RPS6KA2: variants seen among roughly 807,000 people sequenced by gnomAD.
The protein encoded by RPS6KA2 is ribosomal protein S6 kinase alpha-2.
RPS6KA2 carries 42 observed loss-of-function variants against 91.8 expected under a neutral mutation model. The observed-to-expected ratio is 0.46, with a 90% confidence interval of 0.36 to 0.59. The LOEUF is 0.59. Ranked by LOEUF, RPS6KA2 falls within the 20% of genes least tolerant of loss-of-function variation. RPS6KA2 has a pLI of 0.00. For synonymous variants in RPS6KA2, 414 were observed against 393.6 expected (o/e 1.05, Z -0.61); for missense variants, 798 against 978.5 (o/e 0.82, Z 2.46).
intron 2 of RPS6KA2, among the ~76,000 whole-genome samples, chr6:166,696,278 T>C (rs75932344): frequency 0.021 from 3,258 of 152,062 alleles, 104 homozygotes; most frequent in African/African-American, 0.073. Context: ...GCGGACTGAA[T>C]CAATACGGGG....
intron 2 of RPS6KA2, among the ~76,000 whole-genome samples, chr6:166,731,028 A>T (rs1474112854): frequency 6.6e-6 from 1 of 152,210 alleles, no homozygotes; most frequent in African/African-American, 2.4e-5. Context: ...GGATCACCTG[A>T]GGTCGGGCGT....
intron 10 of RPS6KA2, among the ~76,000 whole-genome samples, chr6:166,486,731 G>T (rs1781424014): frequency 6.6e-6 from 1 of 152,044 alleles, no homozygotes; most frequent in Non-Finnish European, 1.5e-5. Flanking sequence ...CCGCTGCGGG[G>T]TGAGTCTACA....
chr6:166,801,455 G>A (rs774828313), intron 2 of RPS6KA2, among the ~76,000 whole-genome samples: 44 of 152,114 alleles, frequency 2.9e-4, no homozygotes, highest in South Asian at 2.1e-4. Flanking sequence ...TGATCATCCT[G>A]CTTCAGCTTC....
chr6:166,776,698 T>G (rs1383790116), intron 2 of RPS6KA2, among the ~76,000 whole-genome samples: 1 of 152,218 alleles, frequency 6.6e-6, no homozygotes, highest in East Asian at 1.9e-4. Context: ...TTGCTCTGCA[T>G]GATGTGCTCG....
rs1779240897 is a variant in RPS6KA2 at position 166,434,785 on chromosome 6, A to G, written c.1333-2295T>C. On this transcript the variant is annotated intron_variant, in intron 14 of 20. Coordinates refer to ENST00000265678, the MANE Select transcript of RPS6KA2 (RefSeq NM_021135.6). This position sits in a 1 kb window ranked among gnomAD's most constrained non-coding sequence, Gnocchi z 4.4. Reference sequence around the variant, plus strand: ...AGCTTTTTCTCCACCGCCACGGACCATCTTCAAGATACAAGGAGTAAAAAA... The same window carrying G: ...AGCTTTTTCTCCACCGCCACGGACCGTCTTCAAGATACAAGGAGTAAAAAA... Among the ~76,000 whole-genome samples, 1 of 152,222 alleles carries G rather than the reference A, an allele frequency of 6.6e-6. No homozygotes were observed. The highest frequency in any genetic ancestry group is 2.1e-4 in the South Asian group (1 of 4,820).
intron 10 of RPS6KA2, among the ~76,000 whole-genome samples, chr6:166,470,183 G>T (rs1293988129): frequency 6.6e-6 from 1 of 152,224 alleles, no homozygotes; most frequent in African/African-American, 2.4e-5. Context: ...CCAGCCAGGT[G>T]CTGCCTGCTG....
At chr6:166,796,306 G>C (rs971780222) in intron 2 of RPS6KA2, among the ~76,000 whole-genome samples, 1 of 152,158 alleles carries the variant, frequency 6.6e-6, no homozygotes, top group Non-Finnish European at 1.5e-5. Context: ...AATCTGGCTT[G>C]TCGGCTGGGT....
chr6:166,527,359 C>A (rs1444392580), intron 3 of RPS6KA2, among the ~76,000 whole-genome samples: 2 of 152,168 alleles, frequency 1.3e-5, no homozygotes, highest in African/African-American at 2.4e-5. Context: ...GAACATGGAA[C>A]CGCCTGATGG....
At position 166,814,810 on chromosome 6, in the gene RPS6KA2, C is replaced by CCAGAA. The variant is rs201752204; in HGVS notation, c.123+43389_123+43390insTTCTG. Among the ~76,000 whole-genome samples, 172 of 152,312 alleles carry CCAGAA rather than the reference C, an allele frequency of 1.1e-3. 4 individuals carry two copies. The East Asian group carries it at 0.028, about 24-fold the overall frequency. ...TGTCTCCCATCACCCCCAGATGGGA[C>CCAGAA]CGTCTAGTTGCAGGAAAACAAGCTC... On this transcript the variant is annotated intron_variant, in intron 2 of 21. Coordinates refer to the RPS6KA2 transcript ENST00000503859.
At chr6:166,835,129 G>A (rs1366867147) in intron 2 of RPS6KA2, among the ~76,000 whole-genome samples, 1 of 152,184 alleles carries the variant, frequency 6.6e-6, no homozygotes, top group Non-Finnish European at 1.5e-5. Context: ...CAGTGTGACA[G>A]TCTGTTTCTA....
At position 166,423,156 on chromosome 6, in the gene RPS6KA2, G is replaced by A. The variant is rs1778783406; in HGVS notation, c.1743+100C>T. On this transcript the variant is annotated intron_variant, in intron 17 of 20. Coordinates refer to ENST00000265678, the MANE Select transcript of RPS6KA2 (RefSeq NM_021135.6). The surrounding 1 kb of genome is among the most constrained non-coding windows in gnomAD (Gnocchi z 4.8). ...CACCACTGCTGACGCAGCTCAAGCC[G>A]CCTCTGACATCCCCGCTGTCCGGTG... The A allele has an allele frequency of 3.9e-6, 5 of 1,289,026 alleles. No homozygotes were observed. Among genetic ancestry groups the A allele is most frequent in the East Asian group, 2.4e-5 (1 of 40,982 alleles). 79.8% of individuals were successfully genotyped at this position (1,289,026 alleles called of 1,614,324 possible). A position where few individuals can be genotyped will look rare whatever the true frequency, so the allele number is the denominator to read the frequency against.
At chr6:166,421,108 T>C (rs2128440813) in intron 17 of RPS6KA2, among the ~76,000 whole-genome samples, 1 of 152,356 alleles carries the variant, frequency 6.6e-6, no homozygotes, top group East Asian at 1.9e-4. Context: ...CCTCACTTCC[T>C]AATCCATCAG....
At position 166,423,307 on chromosome 6, in the gene RPS6KA2, C is replaced by A. The variant is rs769218479; in HGVS notation, c.1692G>T (p.Gly564=). 12 of 1,613,906 alleles carry A rather than the reference C, an allele frequency of 7.4e-6. No homozygotes were observed. In the African/African-American group the frequency reaches 1.2e-4, roughly 16 times the overall value. ...DFGFAKQLRA[G]NGLLMTPCYT... is the part of the protein sequence containing the mutation. ...AGCAGGGTGTCATGAGCAGCCCGTTCCCCGCGCGCAGCTGCTTGGCAAAGC... is the reference window on the plus strand; with the variant it reads ...AGCAGGGTGTCATGAGCAGCCCGTTACCCGCGCGCAGCTGCTTGGCAAAGC... The change falls in exon 17 of 21, where the codon GGG becomes GGT. Residue 564 remains glycine, a synonymous_variant. Transcript: ENST00000265678. The surrounding 1 kb of genome is among the most constrained non-coding windows in gnomAD (Gnocchi z 4.8).
rs181769597 is a variant in RPS6KA2 at position 166,531,710 on chromosome 6, A to G, written c.217-397T>C. Among the ~76,000 whole-genome samples, 77 of 152,320 alleles carry G rather than the reference A, an allele frequency of 5.1e-4. 1 individual carries two copies. Among genetic ancestry groups the G allele is most frequent in the Non-Finnish European group, 8.5e-4 (58 of 68,028 alleles). On this transcript the variant is annotated intron_variant, in intron 2 of 20. Coordinates refer to ENST00000265678, the MANE Select transcript of RPS6KA2 (RefSeq NM_021135.6). ...CACGCTGAAAGGTATTACCAATCAC[A>G]CAAAACAGGCTCTATCCGATTTTCA...
intron 2 of RPS6KA2, among the ~76,000 whole-genome samples, chr6:166,535,861 G>A (rs1279983897): frequency 6.6e-6 from 1 of 152,234 alleles, no homozygotes. Context: ...TGATGGCTTC[G>A]CCTTGCAGGA....
At chr6:166,712,969 C>G (rs1003102948) in intron 2 of RPS6KA2, among the ~76,000 whole-genome samples, 10 of 152,222 alleles carry the variant, frequency 6.6e-5, no homozygotes, top group Admixed American at 2.6e-4. Context: ...GGGTTCCCGA[C>G]AGCCTCATTA....
rs2128533956 is a variant in RPS6KA2 at position 166,612,344 on chromosome 6, T to G, written c.99+14577A>C. Among the ~76,000 whole-genome samples, 1 of 152,230 alleles carries G rather than the reference T, an allele frequency of 6.6e-6. No homozygotes were observed. Among genetic ancestry groups the G allele is most frequent in the East Asian group, 1.9e-4 (1 of 5,178 alleles). On this transcript the variant is annotated intron_variant, in intron 1 of 20. Coordinates refer to ENST00000265678, the MANE Select transcript of RPS6KA2 (RefSeq NM_021135.6). This position sits in a 1 kb window ranked among gnomAD's most constrained non-coding sequence, Gnocchi z 4.3. ...CTTCTCAGTGGTCTGCTCAGAGACG[T>G]TTATCCTCCTTGCAGCTGGTGCATG...
At chr6:166,559,172 G>A (rs369822601) in intron 1 of RPS6KA2, among the ~76,000 whole-genome samples, 1 of 152,248 alleles carries the variant, frequency 6.6e-6, no homozygotes, top group Non-Finnish European at 1.5e-5. Context: ...GGCAGTGTGG[G>A]CAAGGATTCA....
intron 2 of RPS6KA2, among the ~76,000 whole-genome samples, chr6:166,752,315 C>T (rs1031722000): frequency 4.6e-5 from 7 of 152,158 alleles, no homozygotes; most frequent in Non-Finnish European, 1.0e-4. Context: ...ACAGTCACCG[C>T]AGAGCAAGAC....
Sources: allele counts gnomAD v4.1 joint callset (sites outside exome capture counted in the v4.1 genomes callset), GRCh38; gene constraint gnomAD v4.1.1; non-coding constraint Gnocchi (gnomAD v3.1); transcripts MANE v1.5; gene names NCBI Gene and HGNC (gene_info 2026-07-23, HGNC 2026-07-21).